The following ETV5 variants were observed in gnomAD, a reference collection of about 807,000 sequenced individuals.
The protein encoded by ETV5 is ETS variant transcription factor 5, also known as ETS translocation variant 5.
Under a neutral mutation model 70.0 loss-of-function variants are expected in ETV5, and 10 were observed. The observed-to-expected ratio is 0.14, with a 90% CI of 0.09 to 0.24. The LOEUF is 0.24. ETV5 is among the 10% of genes least tolerant of loss of function. ETV5 has a pLI of 1.00. For synonymous variants in ETV5, 216 were observed against 242.2 expected (o/e 0.89, Z 1.01); for missense variants, 453 against 651.2 (o/e 0.70, Z 3.31).
chr3:186,066,262 C>CAA (rs10681607), intron 7 of ETV5, among the ~76,000 whole-genome samples, 190 bp from the exon 8 acceptor site: 8 of 94,896 alleles, frequency 8.4e-5, no homozygotes, highest in African/African-American at 2.5e-4. Flanking sequence ...CAGGAAGTGG[C>CAA]AAAAAAAAAA....
chr3:186,067,665 A>C (rs1156360580), intron 7 of ETV5, among the ~76,000 whole-genome samples: 1 of 152,226 alleles, frequency 6.6e-6, no homozygotes, highest in African/African-American at 2.4e-5. Flanking sequence ...GAAAACTTAC[A>C]AAACTTGGGA....
chr3:186,061,608 G>A (rs909715462), intron 9 of ETV5, among the ~76,000 whole-genome samples: 1 of 152,138 alleles, frequency 6.6e-6, no homozygotes, highest in African/African-American at 2.4e-5. Context: ...TACATCTGGG[G>A]AAGGTGTTCT....
At chr3:186,068,640 A>C (rs148159849) in intron 7 of ETV5, among the ~76,000 whole-genome samples, 373 of 152,316 alleles carry the variant, frequency 2.4e-3, no homozygotes, top group African/African-American at 8.5e-3. Flanking sequence ...GAAGTGACCA[A>C]AGGCAAAGTT....
At position 186,055,017 on chromosome 3, in the gene ETV5, C is replaced by T. The variant is rs78837028; in HGVS notation, c.1209+2058G>A. ...AGGACACCACAGGCTTCTCATATGA[C>T]TTGGCTGCCTGGCATTTACGAGCAT... On this transcript the variant is annotated intron_variant, in intron 11 of 12. Coordinates refer to ENST00000306376, the MANE Select transcript of ETV5 (RefSeq NM_004454.3). 1.1e-3 allele frequency among the ~76,000 whole-genome samples: 170 copies of T among 152,326 alleles called. 2 individuals are homozygous for T. The East Asian group carries it at 0.03, about 27-fold the overall frequency.
rs763263094 is a variant in ETV5 at position 186,105,684 on chromosome 3, C to T, written c.74G>A (p.Arg25Gln). Residue 25 changes from arginine to glutamine, a missense_variant, in exon 3 of 13, where the codon CGG becomes CAG. By Grantham distance (43) the Arg-to-Gln change is conservative (BLOSUM62 1). Around this residue, in one of 4 missense-constraint regions of ETV5, gnomAD observed 47 missense variants for 96.8 expected, o/e 0.49. Coordinates refer to ENST00000306376, the MANE Select transcript of ETV5 (RefSeq NM_004454.3). The surrounding 1 kb of genome is among the most constrained non-coding windows in gnomAD (Gnocchi z 4.5). ...GKSRSEECRG[R>Q]PVIDRKRKFL... ...CTTCCTCTTTCTGTCAATCACAGGC[C>T]GCCCTCTGCATTCCTCAGATCGAGA... 2.4e-5 allele frequency: 38 copies of T among 1,614,052 alleles called. No individual in the cohort carries two copies. The highest frequency in any genetic ancestry group is 2.8e-5 in the Non-Finnish European group (33 of 1,180,042).
At position 186,066,017 on chromosome 3, in the gene ETV5, G is replaced by C; in HGVS notation, c.706C>G (p.Pro236Ala). The C allele has an allele frequency of 1.2e-6, 2 of 1,610,522 alleles. No individual in the cohort carries two copies. The highest frequency in any genetic ancestry group is 1.7e-6 in the Non-Finnish European group (2 of 1,178,244). ...TGGTAACTGGGGCGATTATCTCCAGGAACTCCTGGCTGAGGAGGGAAGGGG... is the reference window on the plus strand; with the variant it reads ...TGGTAACTGGGGCGATTATCTCCAGCAACTCCTGGCTGAGGAGGGAAGGGG... ...CHPFPPQPGVPGDNRPSYHRQ... is the reference protein window; with the variant it reads ...CHPFPPQPGVAGDNRPSYHRQ... Residue 236 changes from proline to alanine, a missense_variant, in exon 8 of 13, where the codon CCT becomes GCT. Physicochemically the swap from Pro to Ala is conservative, Grantham distance 27. Around this residue, in one of 4 missense-constraint regions of ETV5, gnomAD observed 307 missense variants for 344.9 expected, o/e 0.89. Coordinates refer to ENST00000306376, the MANE Select transcript of ETV5 (RefSeq NM_004454.3).
chr3:186,062,731 G>C (rs565446699), intron 9 of ETV5, among the ~76,000 whole-genome samples: 26 of 152,236 alleles, frequency 1.7e-4, no homozygotes, highest in Middle Eastern at 3.4e-3. Flanking sequence ...CTGAAACATA[G>C]TAAATGTTCA....
At chr3:186,061,051 T>C (rs1441234376) in intron 9 of ETV5, among the ~76,000 whole-genome samples, 2 of 152,052 alleles carry the variant, frequency 1.3e-5, no homozygotes, top group Non-Finnish European at 2.9e-5. Flanking sequence ...GGGTACCCAG[T>C]GAAACAACAC....
chr3:186,100,428 A>G (rs1714425571), intron 5 of ETV5, among the ~76,000 whole-genome samples: 1 of 152,196 alleles, frequency 6.6e-6, no homozygotes, highest in African/African-American at 2.4e-5. Context: ...AGGACCAAAG[A>G]CCAAAATGAT....
At chr3:186,107,793 A>G (rs1475233953) in intron 1 of ETV5, among the ~76,000 whole-genome samples, 1 of 151,972 alleles carries the variant, frequency 6.6e-6, no homozygotes, top group African/African-American at 2.4e-5. Flanking sequence ...CGGCCGCCAC[A>G]TCAGGTAGAG....
At chr3:186,056,940 CCCACTGGCCAGG>C in intron 11 of ETV5, 123 bp downstream of exon 11, 2 of 948,420 alleles carry the variant, frequency 2.1e-6, no homozygotes, top group Non-Finnish European at 3.1e-6. Flanking sequence ...TACAGCCAAG[CCCACTGGCCAGG>C]CCAGAATATG....
intron 7 of ETV5, chr3:186,077,871 C>G (rs1450946211): frequency 2.6e-6 from 1 of 391,762 alleles, no homozygotes; most frequent in Non-Finnish European, 3.8e-6. Context: ...CTGTATCACC[C>G]CAGTGTGTGT....
At chr3:186,076,075 T>C (rs1713778700) in intron 7 of ETV5, among the ~76,000 whole-genome samples, 1 of 152,174 alleles carries the variant, frequency 6.6e-6, no homozygotes, top group African/African-American at 2.4e-5. Context: ...TTGGGAAGGC[T>C]GAAGGAAAAA....
chr3:186,065,790 G>T, intron 8 of ETV5, 23 bp downstream of exon 8: 1 of 1,613,632 alleles, frequency 6.2e-7, no homozygotes, highest in Non-Finnish European at 8.5e-7. Flanking sequence ...ATGAAGCAAA[G>T]AATAGCACAA....
At chr3:186,075,030 C>G (rs946273424) in intron 7 of ETV5, among the ~76,000 whole-genome samples, 2 of 152,102 alleles carry the variant, frequency 1.3e-5, no homozygotes, top group East Asian at 3.8e-4. Flanking sequence ...AACCTCTGTT[C>G]ATGTTAAAAA....
In ETV5 at chr3:186,105,778, T is replaced by C. The variant is rs1249542144; in HGVS notation, c.45+46A>G. ...AAGAGGTCCACAGGGGGAAGACTCA[T>C]ATTGGAGAGGGAGGACAAAACAAAC... On this transcript the variant is annotated intron_variant, in intron 2 of 12. Coordinates refer to ENST00000306376, the MANE Select transcript of ETV5 (RefSeq NM_004454.3). The surrounding 1 kb of genome is among the most constrained non-coding windows in gnomAD (Gnocchi z 4.5). The C allele has an allele frequency of 6.2e-7, 1 of 1,610,894 alleles. No homozygotes were observed. The highest frequency in any genetic ancestry group is 1.1e-5 in the South Asian group (1 of 90,996).
chr3:186,096,011 A>C (rs1027832051), intron 5 of ETV5, among the ~76,000 whole-genome samples: 3 of 152,246 alleles, frequency 2.0e-5, no homozygotes, highest in Non-Finnish European at 4.4e-5. Flanking sequence ...TTGGAGCCTA[A>C]GAAATGTGAT....
chr3:186,048,954 A>G, intron 12 of ETV5, 94 bp from the exon 13 acceptor site: 2 of 1,037,456 alleles, frequency 1.9e-6, no homozygotes, highest in Non-Finnish European at 1.4e-6. Context: ...AAAGCCAGGG[A>G]CCAAAGGAGC....
At chr3:186,056,422 A>AT (rs1713163613) in intron 11 of ETV5, among the ~76,000 whole-genome samples, 1 of 151,670 alleles carries the variant, frequency 6.6e-6, no homozygotes, top group Admixed American at 6.6e-5. Flanking sequence ...ATTTTCTTTT[A>AT]TTTTTTGTAG....
Sources: allele counts gnomAD v4.1 joint callset (sites outside exome capture counted in the v4.1 genomes callset), GRCh38; gene constraint gnomAD v4.1.1; regional missense constraint gnomAD v4.1.1; non-coding constraint Gnocchi (gnomAD v3.1); transcripts MANE v1.5; gene names NCBI Gene and HGNC (gene_info 2026-07-23, HGNC 2026-07-21).